Variants in DPYSL2 observed in about 807,000 individuals in gnomAD.
The protein encoded by DPYSL2 is dihydropyrimidinase like 2, also known as dihydropyrimidinase-related protein 2.
In DPYSL2, 13 loss-of-function variants were observed where a neutral mutation model predicts 69.9. The ratio of observed to expected loss-of-function variants is 0.19; its 90% CI spans 0.12 to 0.30. The LOEUF (loss-of-function observed/expected upper bound fraction) is 0.30, where lower values mean the gene tolerates loss of function less well. DPYSL2 is among the 10% of genes least tolerant of loss of function. The pLI, the probability that DPYSL2 is intolerant of heterozygous loss-of-function variation, is 1.00. For synonymous variants in DPYSL2, 326 were observed against 359.1 expected (o/e 0.91, Z 1.04); for missense variants, 587 against 918.9 (o/e 0.64, Z 4.67).
chr8:26,626,379 C>T lies in DPYSL2; in HGVS notation c.794-238C>T, dbSNP rs1343867005. Among the ~76,000 whole-genome samples, 3 of 152,058 alleles carry T rather than the reference C, an allele frequency of 2.0e-5. No individual in the cohort carries two copies. The highest frequency in any genetic ancestry group is 4.4e-5 in the Non-Finnish European group (3 of 68,020). ...AGATTATAAGAATACTAAAAAGCAT[C>T]CTTGTGCCTCTTCCTCCCACATTCA... On this transcript the variant is annotated intron_variant, in intron 4 of 13. Transcript: ENST00000521913. This position sits in a 1 kb window ranked among gnomAD's most constrained non-coding sequence, Gnocchi z 4.3.
intron 3 of DPYSL2, among the ~76,000 whole-genome samples, chr8:26,603,148 C>G (rs1465752629): frequency 6.6e-6 from 1 of 152,098 alleles, no homozygotes; most frequent in Non-Finnish European, 1.5e-5. Context: ...CCACAGTTTT[C>G]TTTCTTCTTT....
rs1802572463 is a variant in DPYSL2, at chr8:26,624,417, T to C, written c.793+110T>C. The stretch of plus-strand genomic sequence containing the variant: ...GCTTCCAGATCCCATTTGTGCCTCA[T>C]GCCCATGCCTGCCCCTGGGAAGGAG... On this transcript the variant is annotated intron_variant, in intron 4 of 13. Transcript: ENST00000521913. The surrounding 1 kb of genome is among the most constrained non-coding windows in gnomAD (Gnocchi z 4.7). 1 of 1,334,906 alleles carries C rather than the reference T, an allele frequency of 7.5e-7. No individual in the cohort carries two copies. The highest frequency in any genetic ancestry group is 1.4e-5 in the South Asian group (1 of 72,802). The allele number at this position is 1,334,906 out of a possible 1,614,324, so 82.7% of individuals were successfully genotyped here.
At chr8:26,649,254 C>T (rs1803233693) in intron 11 of DPYSL2, among the ~76,000 whole-genome samples, 1 of 152,374 alleles carries the variant, frequency 6.6e-6, no homozygotes, top group Middle Eastern at 3.4e-3. Flanking sequence ...GGACTCTTCC[C>T]TGCCAGACTG....
At chr8:26,616,433 T>A (rs1297735093) in intron 3 of DPYSL2, among the ~76,000 whole-genome samples, 1 of 152,180 alleles carries the variant, frequency 6.6e-6, no homozygotes, top group African/African-American at 2.4e-5. Flanking sequence ...AGCCAGTGGA[T>A]GGCTTGTGTT....
intron 1 of DPYSL2, among the ~76,000 whole-genome samples, chr8:26,568,334 CTCTT>C (rs1801184534): frequency 6.6e-6 from 1 of 152,168 alleles, no homozygotes; most frequent in Non-Finnish European, 1.5e-5. Flanking sequence ...CCTGTGACCT[CTCTT>C]TCTACAGCGT....
intron 1 of DPYSL2, among the ~76,000 whole-genome samples, chr8:26,545,691 C>T (rs895355392): frequency 5.3e-5 from 8 of 151,742 alleles, no homozygotes; most frequent in East Asian, 1.9e-4. Context: ...CACTTGAACC[C>T]GGGAGGCAGA....
rs940037552 is a variant in DPYSL2 at position 26,626,069 on chromosome 8, A to C, written c.794-548A>C. 6.6e-6 allele frequency among the ~76,000 whole-genome samples: 1 copy of C among 152,154 alleles called. No homozygotes were observed. Among genetic ancestry groups the C allele is most frequent in the Non-Finnish European group, 1.5e-5 (1 of 68,038 alleles). On this transcript the variant is annotated intron_variant, in intron 4 of 13. Transcript: ENST00000521913. The surrounding 1 kb of genome is among the most constrained non-coding windows in gnomAD (Gnocchi z 4.3). ...AAATTGACTTCTAGGGACCTCATAC[A>C]AGTGGAATCATATAGTATTTGTCCT... is the stretch of plus-strand genomic sequence containing the variant.
rs1802173535 is a variant in DPYSL2 at position 26,609,149 on chromosome 8, T to C, written c.629-14994T>C. ...GCTCTTGTCTTTATTATGTATTGTC[T>C]GCCCATAAATGATGTCTTGAAATAG... On this transcript the variant is annotated intron_variant, in intron 3 of 13. Coordinates refer to ENST00000521913, the MANE Select transcript of DPYSL2 (RefSeq NM_001197293.3). The surrounding 1 kb of genome is among the most constrained non-coding windows in gnomAD (Gnocchi z 6.5). 6.6e-6 allele frequency among the ~76,000 whole-genome samples: 1 copy of C among 152,236 alleles called. No homozygotes were observed. Among genetic ancestry groups the C allele is most frequent in the Non-Finnish European group, 1.5e-5 (1 of 68,034 alleles).
chr8:26,637,047 T>C (rs1384594861), intron 8 of DPYSL2, among the ~76,000 whole-genome samples: 1 of 152,188 alleles, frequency 6.6e-6, no homozygotes, highest in Non-Finnish European at 1.5e-5. Flanking sequence ...TGGCCACCCC[T>C]ATTGTCTTTA....
chr8:26,556,182 AC>A lies in DPYSL2; in HGVS notation c.355-25786del, dbSNP rs369852552. On this transcript the variant is annotated intron_variant, in intron 1 of 13. Transcript: ENST00000521913. The stretch of plus-strand genomic sequence containing the variant: ...ATAGTATATACTATATATAGTATAT[AC>A]TATATATATTATATATACTATATAT... Among the ~76,000 whole-genome samples, 2 of 21,504 alleles carry A rather than the reference AC, an allele frequency of 9.3e-5. 1 individual carries two copies. Among genetic ancestry groups the A allele is most frequent in the African/African-American group, 2.7e-4 (2 of 7,486 alleles). The allele number at this position is 21,504 out of a possible 152,430, so 14.1% of individuals were successfully genotyped here. A position where few individuals can be genotyped will look rare whatever the true frequency, so the allele number is the denominator to read the frequency against.
intron 3 of DPYSL2, among the ~76,000 whole-genome samples, chr8:26,589,343 G>A (rs971663645): frequency 1.3e-5 from 2 of 152,232 alleles, no homozygotes; most frequent in Non-Finnish European, 2.9e-5. Flanking sequence ...TCAGCCTTGC[G>A]TGTGGTTCAA....
chr8:26,517,190 A>T lies in DPYSL2; in HGVS notation c.354+2511A>T, dbSNP rs1808303726. Among the ~76,000 whole-genome samples the T allele has an allele frequency of 1.3e-5, 2 of 152,132 alleles. No individual in the cohort carries two copies. Among genetic ancestry groups the T allele is most frequent in the Non-Finnish European group, 1.5e-5 (1 of 68,022 alleles). On this transcript the variant is annotated intron_variant, in intron 1 of 13. Transcript: ENST00000521913. This position sits in a 1 kb window ranked among gnomAD's most constrained non-coding sequence, Gnocchi z 4.2. ...TGTGGCTTTGCTCATCTGTTGCACT[A>T]AGAGGCCTGCTGTTCCCCTAACAAG...
At chr8:26,554,823 G>T (rs961652254) in intron 1 of DPYSL2, among the ~76,000 whole-genome samples, 2 of 152,016 alleles carry the variant, frequency 1.3e-5, no homozygotes, top group Non-Finnish European at 2.9e-5. Context: ...TATAAGAAAA[G>T]AAATCCATAG....
intron 3 of DPYSL2, among the ~76,000 whole-genome samples, chr8:26,590,744 AGCAGAGC>A (rs1801706751): frequency 6.6e-6 from 1 of 152,242 alleles, no homozygotes; most frequent in African/African-American, 2.4e-5. Context: ...CCTGGCACTG[AGCAGAGC>A]GGAGGGATCT....
chr8:26,575,485 A>G (rs1460189210), intron 1 of DPYSL2, among the ~76,000 whole-genome samples: 4 of 152,166 alleles, frequency 2.6e-5, no homozygotes, highest in African/African-American at 4.8e-5. Flanking sequence ...TCCTCGGTCA[A>G]TTTAAACCAT....
Position 26,580,997 on chromosome 8 carries a change from T to C in DPYSL2, c.355-972T>C, listed in dbSNP as rs1801480637. ...TAAATATCACCGGTTAAAATATAAG[T>C]GCATCAGCAATCTGTAGTGCATTGC... On this transcript the variant is annotated intron_variant, in intron 1 of 13. Coordinates refer to ENST00000521913, the MANE Select transcript of DPYSL2 (RefSeq NM_001197293.3). This position sits in a 1 kb window ranked among gnomAD's most constrained non-coding sequence, Gnocchi z 4.1. Among the ~76,000 whole-genome samples the C allele has an allele frequency of 1.3e-5, 2 of 152,246 alleles. No homozygotes were observed. Among genetic ancestry groups the C allele is most frequent in the African/African-American group, 2.4e-5 (1 of 41,464 alleles).
intron 3 of DPYSL2, among the ~76,000 whole-genome samples, chr8:26,606,909 G>GT (rs1466044495): frequency 6.6e-6 from 1 of 152,184 alleles, no homozygotes; most frequent in Admixed American, 6.5e-5. Flanking sequence ...CTAGGTTGTG[G>GT]TTAAATGAAC....
In DPYSL2 at chr8:26,626,729, G is replaced by A; in HGVS notation, c.855+51G>A. 4.4e-6 allele frequency: 7 copies of A among 1,586,236 alleles called. No individual in the cohort carries two copies. The highest frequency in any genetic ancestry group is 6.1e-6 in the Non-Finnish European group (7 of 1,156,790). On this transcript the variant is annotated intron_variant, in intron 5 of 13. Transcript: ENST00000521913. The surrounding 1 kb of genome is among the most constrained non-coding windows in gnomAD (Gnocchi z 4.3). ...GGCACCCTGACATTTGGTACCTTCAGGCTGTGGCCGTTTGGGAAAGCAGTC... is the reference window on the plus strand; with the variant it reads ...GGCACCCTGACATTTGGTACCTTCAAGCTGTGGCCGTTTGGGAAAGCAGTC...
chr8:26,520,067 C>T (rs949585811), intron 1 of DPYSL2, among the ~76,000 whole-genome samples: 2 of 152,110 alleles, frequency 1.3e-5, no homozygotes, highest in African/African-American at 4.8e-5. Flanking sequence ...GGGTGGTTTC[C>T]CCCATACTGT....
Sources: gnomAD v4.1 joint callset for allele counts (sites outside exome capture counted in the v4.1 genomes callset) on GRCh38, gnomAD v4.1.1 for gene constraint, Gnocchi (gnomAD v3.1) non-coding constraint, MANE v1.5 for transcripts, NCBI Gene and HGNC (gene_info 2026-07-23, HGNC 2026-07-21) for gene names.